The following MTNR1A variants were observed in gnomAD, a reference collection of about 807,000 sequenced individuals.
The protein encoded by MTNR1A is melatonin receptor 1A, also known as melatonin receptor type 1A.
MTNR1A carries 7 observed loss-of-function variants against 5.5 expected under a neutral mutation model. The observed-to-expected ratio is 1.28, with a 90% confidence interval of 0.73 to 2.40. The LOEUF is 2.40. Among genes scored for constraint, MTNR1A ranks in the 30% most tolerant of loss-of-function variants. MTNR1A has a pLI of 0.00. For missense variants in MTNR1A, 441 were observed against 464.4 expected (o/e 0.95, Z 0.46); for synonymous variants, 196 against 202.7 (o/e 0.97, Z 0.28).
rs1017007370 is a variant in MTNR1A, at chr4:186,533,711, A to T, written c.1031T>A (p.Val344Glu). The change falls in exon 2 of 2, where the codon GTA (valine) becomes GAA (glutamate). Residue 344 changes from valine to glutamate, a missense_variant. Val to Glu is a moderately radical substitution (Grantham distance 121). Coordinates refer to ENST00000307161, the MANE Select transcript of MTNR1A (RefSeq NM_005958.4). ...KPSPLMTNNN[V>E]VKVDSV ...TTTTTAAACGGAGTCCACCTTTACT[A>T]CATTATTGTTGGTCATCAGTGGAGA... 1.1e-5 allele frequency: 17 copies of T among 1,613,958 alleles called. No individual in the cohort carries two copies. The highest frequency in any genetic ancestry group is 1.3e-5 in the Non-Finnish European group (15 of 1,180,038).
At chr4:186,552,948 G>C (rs1287939182) in intron 1 of MTNR1A, among the ~76,000 whole-genome samples, 3 of 152,212 alleles carry the variant, frequency 2.0e-5, no homozygotes, top group Non-Finnish European at 4.4e-5. Context: ...GCTGTCCACT[G>C]TCCCCGCCAT....
At chr4:186,539,625 A>T (rs532065637) in intron 1 of MTNR1A, among the ~76,000 whole-genome samples, 1 of 152,348 alleles carries the variant, frequency 6.6e-6, no homozygotes, top group Non-Finnish European at 1.5e-5. Context: ...CCACCATGTG[A>T]GGACTCAGCA....
In MTNR1A at chr4:186,534,463, C is replaced by T. The variant is rs762478338; in HGVS notation, c.279G>A (p.Trp93Ter). 3.3e-5 allele frequency: 54 copies of T among 1,614,046 alleles called. No individual in the cohort carries two copies. The highest frequency in any genetic ancestry group is 4.5e-5 in the Non-Finnish European group (53 of 1,180,038). Residue 93 changes from tryptophan to a stop codon, truncating the protein, a stop_gained, in exon 2 of 2, where the codon TGG (tryptophan) becomes TGA (stop). Transcript: ENST00000307161. LOFTEE classifies it low-confidence loss of function (END_TRUNC). ...CTTGGCAGTGCAGATAGCCCAGGTT[C>T]CACCCGTTGTTAAATATCGACATCA... ...LVLMSIFNNGWNLGYLHCQVS... is the reference protein window; with the variant it reads ...LVLMSIFNNG
intron 1 of MTNR1A, among the ~76,000 whole-genome samples, chr4:186,545,762 A>G (rs1737125976): frequency 1.3e-5 from 2 of 151,882 alleles, no homozygotes; most frequent in Admixed American, 1.3e-4. Flanking sequence ...GTAATAAAGA[A>G]CTATTTACAA....
At position 186,533,826 on chromosome 4, in the gene MTNR1A, ATTCC is replaced by A; in HGVS notation, c.912_915del (p.Lys304AsnfsTer6). The A allele has an allele frequency of 6.2e-7, 1 of 1,614,196 alleles. No individual in the cohort carries two copies. The highest frequency in any genetic ancestry group is 8.5e-7 in the Non-Finnish European group (1 of 1,180,036). ...CAGAGCGAGACTATAATTCTCCTGT[ATTCC>A]TTCCTGAAATTTTGGTTCAGTAGCC... is the stretch of plus-strand genomic sequence containing the variant. On this transcript the variant is annotated frameshift_variant, in exon 2 of 2. Transcript: ENST00000307161. LOFTEE classifies it high-confidence loss of function.
rs1737352763 is a variant in MTNR1A, at chr4:186,555,491, C to G, written c.-126G>C. The G allele has an allele frequency of 1.4e-6, 1 of 705,770 alleles. No homozygotes were observed. Among genetic ancestry groups the G allele is most frequent in the African/African-American group, 1.9e-5 (1 of 52,672 alleles). The allele number at this position is 705,770 out of a possible 1,614,324, so 43.7% of individuals were successfully genotyped here. ...ATCCCGCGCGCTCCTCCACGCCGCG[C>G]CCCCGGACGCCCACGCCGCGCCGGA... On this transcript the variant is annotated 5_prime_UTR_variant, in exon 1 of 2. Coordinates refer to ENST00000307161, the MANE Select transcript of MTNR1A (RefSeq NM_005958.4). The surrounding 1 kb of genome is among the most constrained non-coding windows in gnomAD (Gnocchi z 4.1).
At chr4:186,539,367 C>T (rs1736954863) in intron 1 of MTNR1A, among the ~76,000 whole-genome samples, 1 of 152,130 alleles carries the variant, frequency 6.6e-6, no homozygotes, top group Non-Finnish European at 1.5e-5. Flanking sequence ...CTGAGTGACT[C>T]AAAAAGCTGT....
In MTNR1A at chr4:186,555,315, G is replaced by A. The variant is rs752960997; in HGVS notation, c.51C>T (p.Arg17=). 148 of 1,546,706 alleles carry A rather than the reference G, an allele frequency of 9.6e-5. No individual in the cohort carries two copies. Among genetic ancestry groups the A allele is most frequent in the Non-Finnish European group, 1.2e-4 (136 of 1,145,882 alleles). The change falls in exon 1 of 2, where the codon CGC becomes CGT. Residue 17 remains arginine (R), a synonymous_variant. Transcript: ENST00000307161. This position sits in a 1 kb window ranked among gnomAD's most constrained non-coding sequence, Gnocchi z 4.1. The part of the protein sequence containing the change: ...ALPNASQPVL[R]GDGARPSWLA... ...GCCACGAGGGCCGCGCGCCGTCCCC[G>A]CGGAGCACGGGCTGGGAGGCGTTGG... is the stretch of plus-strand genomic sequence containing the variant.
At chr4:186,538,322 C>T (rs565008058) in intron 1 of MTNR1A, among the ~76,000 whole-genome samples, 1 of 152,206 alleles carries the variant, frequency 6.6e-6, no homozygotes, top group Non-Finnish European at 1.5e-5. Context: ...TTCCTTGCAC[C>T]GCTCCGGGTT....
rs1415797878 is a variant in MTNR1A, at chr4:186,555,238, A to G, written c.128T>C (p.Leu43Pro). ...VLIFTIVVDI[L>P]GNLLVILSVY... ...CGACAGGATGACCAGGAGGTTGCCCAGGATGTCCACCACGATGGTGAAGAT... is the reference window on the plus strand; with the variant it reads ...CGACAGGATGACCAGGAGGTTGCCCGGGATGTCCACCACGATGGTGAAGAT... Residue 43 changes from leucine (L) to proline (P), a missense_variant, in exon 1 of 2, where the codon CTG becomes CCG. Transcript: ENST00000307161. This position sits in a 1 kb window ranked among gnomAD's most constrained non-coding sequence, Gnocchi z 4.1. 2 of 1,583,338 alleles carry G rather than the reference A, an allele frequency of 1.3e-6. No individual in the cohort carries two copies. The highest frequency in any genetic ancestry group is 8.6e-7 in the Non-Finnish European group (1 of 1,165,500).
chr4:186,533,740 T>C lies in MTNR1A; in HGVS notation c.1002A>G (p.Lys334=). 1 of 1,614,158 alleles carries C rather than the reference T, an allele frequency of 6.2e-7. No homozygotes were observed. Among genetic ancestry groups the C allele is most frequent in the East Asian group, 2.2e-5 (1 of 44,880 alleles). Residue 334 remains lysine (K), a synonymous_variant, in exon 2 of 2, where the codon AAA becomes AAG. Coordinates refer to ENST00000307161, the MANE Select transcript of MTNR1A (RefSeq NM_005958.4). ...SNDVADRVKW[K]PSPLMTNNNV... ...TATTGTTGGTCATCAGTGGAGACGGTTTCCATTTAACCCTATCGGCCACGT... is the reference window on the plus strand; with the variant it reads ...TATTGTTGGTCATCAGTGGAGACGGCTTCCATTTAACCCTATCGGCCACGT...
intron 1 of MTNR1A, among the ~76,000 whole-genome samples, chr4:186,552,686 T>C (rs141651815): frequency 2.4e-4 from 37 of 152,342 alleles, no homozygotes; most frequent in African/African-American, 7.9e-4. Flanking sequence ...CGGTTGGGTA[T>C]TACCTGCAAT....
Position 186,534,015 on chromosome 4 carries a change from C to G in MTNR1A, c.727G>C (p.Val243Leu). ...DFRNFVTMFVVFVLFAICWAP... is the reference protein window; with the variant it reads ...DFRNFVTMFVLFVLFAICWAP... The stretch of plus-strand genomic sequence containing the variant: ...CAGCAAATGGCAAAAAGGACAAAAA[C>G]CACAAACATGGTGACAAAATTCCTG... Residue 243 changes from valine to leucine, a missense_variant, in exon 2 of 2, where the codon GTT becomes CTT. By Grantham distance (32) the Val-to-Leu change is conservative. Coordinates refer to ENST00000307161, the MANE Select transcript of MTNR1A (RefSeq NM_005958.4). 6.2e-7 allele frequency: 1 copy of G among 1,614,118 alleles called. No individual in the cohort carries two copies. Among genetic ancestry groups the G allele is most frequent in the African/African-American group, 1.3e-5 (1 of 75,032 alleles).
chr4:186,534,581 TAC>T (rs1560892404), intron 1 of MTNR1A, 24 bp from the exon 2 acceptor site: 2 of 1,604,436 alleles, frequency 1.2e-6, no homozygotes, highest in Admixed American at 3.3e-5. Flanking sequence ...GTTTAGAAAA[TAC>T]AGTGAATACC....
chr4:186,555,142 G>C lies in MTNR1A; in HGVS notation c.184+40C>G. 2 of 1,565,176 alleles carry C rather than the reference G, an allele frequency of 1.3e-6. No homozygotes were observed. The highest frequency in any genetic ancestry group is 2.3e-5 in the South Asian group (2 of 85,588). ...CTGGCTGCCCGCGGAGAGGCGCTGC[G>C]TCCGGAGCGCTGGCCCAGGGGAGGC... is the stretch of plus-strand genomic sequence containing the variant. On this transcript the variant is annotated intron_variant, in intron 1 of 1. Coordinates refer to ENST00000307161, the MANE Select transcript of MTNR1A (RefSeq NM_005958.4). This position sits in a 1 kb window ranked among gnomAD's most constrained non-coding sequence, Gnocchi z 4.1.
intron 1 of MTNR1A, among the ~76,000 whole-genome samples, chr4:186,539,913 C>G (rs1303081640): frequency 6.6e-6 from 1 of 152,222 alleles, no homozygotes; most frequent in African/African-American, 2.4e-5. Context: ...TTCATGGATG[C>G]TTGTATTAGT....
intron 1 of MTNR1A, among the ~76,000 whole-genome samples, chr4:186,543,397 C>T (rs1476744688): frequency 2.0e-5 from 3 of 152,192 alleles, no homozygotes; most frequent in Admixed American, 2.0e-4. Context: ...AGGCTTCAGC[C>T]ACCAGAACAT....
chr4:186,549,765 G>A (rs546644042), intron 1 of MTNR1A, among the ~76,000 whole-genome samples: 1 of 152,276 alleles, frequency 6.6e-6, no homozygotes, highest in South Asian at 2.1e-4. Flanking sequence ...CCCACGCTTA[G>A]AACAGGACCT....
chr4:186,544,773 G>A (rs1737103732), intron 1 of MTNR1A, among the ~76,000 whole-genome samples: 1 of 152,146 alleles, frequency 6.6e-6, no homozygotes, highest in African/African-American at 2.4e-5. Flanking sequence ...GGCTCCAGGC[G>A]GCTTCTGCTC....
Sources: gnomAD v4.1 joint callset for allele counts (sites outside exome capture counted in the v4.1 genomes callset) on GRCh38, gnomAD v4.1.1 for gene constraint, Gnocchi (gnomAD v3.1) non-coding constraint, MANE v1.5 for transcripts, NCBI Gene and HGNC (gene_info 2026-07-23, HGNC 2026-07-21) for gene names.